The following BBS4 variants were observed in gnomAD, a reference collection of about 807,000 sequenced individuals.
The protein encoded by BBS4 is Bardet-Biedl syndrome 4.
A neutral mutation model predicts 71.4 loss-of-function variants in BBS4; 58 were observed. That is an observed-to-expected ratio of 0.81 (90% CI 0.66 to 1.01). The LOEUF (loss-of-function observed/expected upper bound fraction) is 1.01, where lower values mean the gene tolerates loss of function less well. Among genes scored for constraint, BBS4 ranks in the 50% least tolerant of loss-of-function variants. The pLI, the probability that BBS4 is intolerant of heterozygous loss-of-function variation, is 0.00. For synonymous variants in BBS4, 228 were observed against 216.8 expected, an observed-to-expected ratio of 1.05 and a Z score of -0.46; for missense variants, 660 against 607.9, an observed-to-expected ratio of 1.09 and a Z score of -0.90.
intron 6 of BBS4, among the ~76,000 whole-genome samples, chr15:72,718,996 A>T (rs1025385452): frequency 1.3e-5 from 2 of 152,110 alleles, no homozygotes; most frequent in African/African-American, 4.8e-5. Flanking sequence ...GGTAATTGAA[A>T]CCATTAGATT....
chr15:72,695,413 G>A (rs929113141), intron 2 of BBS4, among the ~76,000 whole-genome samples, 185 bp downstream of exon 2: 6 of 151,764 alleles, frequency 4.0e-5, no homozygotes, highest in Admixed American at 6.6e-5. Context: ...TCAGCCTCCC[G>A]AGTAGCTGGG....
intron 2 of BBS4, among the ~76,000 whole-genome samples, chr15:72,706,177 C>T (rs1244982835): frequency 6.6e-6 from 1 of 151,990 alleles, no homozygotes; most frequent in Non-Finnish European, 1.5e-5. Flanking sequence ...CGCTCTGTCG[C>T]CCAGGCTGGA....
chr15:72,690,113 AT>A (rs1567394271), intron 1 of BBS4, among the ~76,000 whole-genome samples: 2 of 151,896 alleles, frequency 1.3e-5, no homozygotes, highest in Admixed American at 6.6e-5. Flanking sequence ...CAGCCTATAA[AT>A]TTTTTTTATA....
chr15:72,688,430 T>TTTTTTTTTTTTTTTTTTC (rs1285460524), intron 1 of BBS4, among the ~76,000 whole-genome samples: 1 of 144,556 alleles, frequency 6.9e-6, no homozygotes, highest in African/African-American at 2.6e-5. Flanking sequence ...TTTTTTTTTT[T>TTTTTTTTTTTTTTTTTTC]TGAGACGGAG....
intron 6 of BBS4, among the ~76,000 whole-genome samples, chr15:72,721,121 A>C (rs1296987777): frequency 1.3e-5 from 2 of 152,226 alleles, no homozygotes; most frequent in East Asian, 3.8e-4. Flanking sequence ...GCCTGAGTTC[A>C]AATCCCAATG....
At chr15:72,716,161 A>G (rs2065465538) in intron 5 of BBS4, among the ~76,000 whole-genome samples, 1 of 152,188 alleles carries the variant, frequency 6.6e-6, no homozygotes, top group African/African-American at 2.4e-5. Context: ...ATGTAACCCC[A>G]TCATAAGTTG....
chr15:72,731,749 ACT>A (rs1394160415), intron 12 of BBS4, 23 bp downstream of exon 12: 16 of 1,613,320 alleles, frequency 9.9e-6, no homozygotes, highest in East Asian at 2.2e-5. Context: ...TATGTGGAAA[ACT>A]CTCTCTGCCA....
chr15:72,701,902 A>G (rs1281018526), intron 2 of BBS4, among the ~76,000 whole-genome samples: 1 of 151,994 alleles, frequency 6.6e-6, no homozygotes, highest in Non-Finnish European at 1.5e-5. Flanking sequence ...CAGTGGTGCG[A>G]TTTCCGCTCA....
At chr15:72,727,128 C>T (rs886974883) in intron 8 of BBS4, among the ~76,000 whole-genome samples, 1 of 152,186 alleles carries the variant, frequency 6.6e-6, no homozygotes, top group Non-Finnish European at 1.5e-5. Context: ...TTGGTCAGCT[C>T]AGGCCTCCCC....
At position 72,737,622 on chromosome 15, in the gene BBS4, T is replaced by C; in HGVS notation, c.*35T>C. On this transcript the variant is annotated 3_prime_UTR_variant, in exon 16 of 16. Coordinates refer to ENST00000268057, the MANE Select transcript of BBS4 (RefSeq NM_033028.5). ...GAATGACCCCAAAATAGGGTTTTCT[T>C]GGGCGAGGATGTGCTGGATTAGGAA... is the stretch of plus-strand genomic sequence containing the variant. 6.7e-7 allele frequency: 1 copy of C among 1,501,022 alleles called. No homozygotes were observed. The highest frequency in any genetic ancestry group is 9.1e-7 in the Non-Finnish European group (1 of 1,097,264). 93.0% of individuals were successfully genotyped at this position (1,501,022 alleles called of 1,614,324 possible). A position where few individuals can be genotyped will look rare whatever the true frequency, so the allele number is the denominator to read the frequency against.
chr15:72,728,818 C>T (rs1427505754), intron 9 of BBS4, among the ~76,000 whole-genome samples: 2 of 152,138 alleles, frequency 1.3e-5, no homozygotes, highest in African/African-American at 4.8e-5. Flanking sequence ...TTCCCTCTTC[C>T]CCAATATACA....
At chr15:72,712,541 T>C (rs1036782713) in intron 4 of BBS4, among the ~76,000 whole-genome samples, 5 of 152,260 alleles carry the variant, frequency 3.3e-5, no homozygotes, top group Non-Finnish European at 7.3e-5. Context: ...TGATATAGTC[T>C]GTTGCTCCCA....
intron 4 of BBS4, among the ~76,000 whole-genome samples, chr15:72,712,748 G>T (rs1342242470): frequency 2.0e-5 from 3 of 152,124 alleles, no homozygotes; most frequent in Admixed American, 6.5e-5. Context: ...GAATGTGAAG[G>T]TCTAGGACAT....
chr15:72,727,393 C>T (rs1430439976), intron 8 of BBS4, among the ~76,000 whole-genome samples: 1 of 152,150 alleles, frequency 6.6e-6, no homozygotes, highest in African/African-American at 2.4e-5. Context: ...TCCCAAAGGT[C>T]AGTAGCACCT....
At chr15:72,695,436 C>T (rs187113180) in intron 2 of BBS4, among the ~76,000 whole-genome samples, 4 of 152,122 alleles carry the variant, frequency 2.6e-5, no homozygotes, top group East Asian at 1.9e-4. Context: ...TACAGGTGCA[C>T]GCCACCACAC....
intron 10 of BBS4, among the ~76,000 whole-genome samples, chr15:72,730,869 C>T (rs983588946): frequency 3.3e-5 from 5 of 152,028 alleles, no homozygotes; most frequent in Non-Finnish European, 7.4e-5. Flanking sequence ...CTCTGTTCTA[C>T]GGTAGAAAGA....
chr15:72,692,605 A>G lies in BBS4; in HGVS notation c.25-2572A>G, dbSNP rs551029003. Reference sequence around the variant, plus strand: ...TGGGATTAGAGGTGTGAGCCACCACACCTGGCTGTTTGTTTGTTTTGAGCC... The same window carrying G: ...TGGGATTAGAGGTGTGAGCCACCACGCCTGGCTGTTTGTTTGTTTTGAGCC... On this transcript the variant is annotated intron_variant, in intron 1 of 15. Transcript: ENST00000268057. Among the ~76,000 whole-genome samples, 5 of 147,208 alleles carry G rather than the reference A, an allele frequency of 3.4e-5. No individual in the cohort carries two copies. The South Asian group carries it at 8.6e-4, about 25-fold the overall frequency.
In BBS4 at chr15:72,709,796, A is replaced by G; in HGVS notation, c.156+17A>G. 2 of 1,603,440 alleles carry G rather than the reference A, an allele frequency of 1.2e-6. No homozygotes were observed. Among genetic ancestry groups the G allele is most frequent in the South Asian group, 2.2e-5 (2 of 90,880 alleles). On this transcript the variant is annotated intron_variant, in intron 3 of 15. Transcript: ENST00000268057. ...GCCTGCAAGGTAAGAGATTGCCATA[A>G]TAATAAAAATGAGAGGCAGGATGTT... is the stretch of plus-strand genomic sequence containing the variant.
In BBS4 at chr15:72,731,289, T is replaced by A. The variant is rs751726913; in HGVS notation, c.712-16T>A. 1 of 1,613,968 alleles carries A rather than the reference T, an allele frequency of 6.2e-7. No homozygotes were observed. The highest frequency in any genetic ancestry group is 1.3e-5 in the African/African-American group (1 of 74,902). ...TTGGGAATGACTGAATGACTTTCTC[T>A]GTGCCATGTTTTCAGGCCATCTTGG... On this transcript the variant is annotated splice_polypyrimidine_tract_variant and intron_variant, in intron 10 of 15. Transcript: ENST00000268057.
Sources: allele counts gnomAD v4.1 joint callset (sites outside exome capture counted in the v4.1 genomes callset), GRCh38; gene constraint gnomAD v4.1.1; transcripts MANE v1.5; gene names NCBI Gene and HGNC (gene_info 2026-07-23, HGNC 2026-07-21).